SHC4: variants seen among roughly 807,000 people sequenced by gnomAD.
SHC4 encodes SHC adaptor protein 4.
A neutral mutation model predicts 69.4 loss-of-function variants in SHC4; 41 were observed. The ratio of observed to expected loss-of-function variants is 0.59; its 90% CI spans 0.46 to 0.77. SHC4 has a LOEUF of 0.77. Ranked by LOEUF, SHC4 falls within the 30% of genes least tolerant of loss-of-function variation. The pLI is 0.00. For synonymous variants in SHC4, 318 were observed against 299.3 expected (o/e 1.06, Z -0.64); for missense variants, 777 against 783.8 (o/e 0.99, Z 0.10).
chr15:48,931,402 T>C (rs976801086), intron 1 of SHC4, among the ~76,000 whole-genome samples: 2 of 152,214 alleles, frequency 1.3e-5, no homozygotes, highest in Non-Finnish European at 2.9e-5. Context: ...AATATTCTAA[T>C]TGCATCTCAA....
intron 8 of SHC4, 86 bp from the exon 9 acceptor site, chr15:48,851,334 G>T: frequency 2.4e-6 from 3 of 1,244,638 alleles, no homozygotes; most frequent in Non-Finnish European, 3.4e-6. Flanking sequence ...AATCCCAGAA[G>T]AATATAGCAG....
intron 3 of SHC4, among the ~76,000 whole-genome samples, chr15:48,890,475 C>G (rs1244858545): frequency 1.3e-5 from 2 of 152,184 alleles, no homozygotes; most frequent in African/African-American, 4.8e-5. Context: ...GCTCACTGGT[C>G]AGTAACAGCC....
At chr15:48,905,092 C>T (rs990756853) in intron 2 of SHC4, among the ~76,000 whole-genome samples, 4 of 152,136 alleles carry the variant, frequency 2.6e-5, no homozygotes, top group African/African-American at 4.8e-5. Context: ...GTTTTAGATT[C>T]TCTAGGTCTT....
chr15:48,912,298 T>G (rs1900521580), intron 2 of SHC4, among the ~76,000 whole-genome samples: 1 of 152,154 alleles, frequency 6.6e-6, no homozygotes, highest in Non-Finnish European at 1.5e-5. Context: ...CTTTTTTCAG[T>G]GTCTTGGTTG....
chr15:48,931,382 T>C (rs1900962205), intron 1 of SHC4, among the ~76,000 whole-genome samples: 1 of 152,240 alleles, frequency 6.6e-6, no homozygotes, highest in African/African-American at 2.4e-5. Context: ...CAGATGTGTA[T>C]TGGCACATGA....
At chr15:48,929,640 A>T (rs1360011939) in intron 1 of SHC4, among the ~76,000 whole-genome samples, 1 of 152,200 alleles carries the variant, frequency 6.6e-6, no homozygotes, top group Non-Finnish European at 1.5e-5. Context: ...GAACACGGTG[A>T]ACAGTGTCGA....
At chr15:48,855,821 C>T in intron 8 of SHC4, 132 bp downstream of exon 8, 2 of 896,346 alleles carry the variant, frequency 2.2e-6, no homozygotes, top group Non-Finnish European at 1.7e-6. Flanking sequence ...GACAGTTATT[C>T]ATTCTCTGGC....
chr15:48,859,176 A>G (rs1463988241), intron 6 of SHC4, among the ~76,000 whole-genome samples: 1 of 152,236 alleles, frequency 6.6e-6, no homozygotes. Flanking sequence ...GATAACAGTA[A>G]GTTATAACAG....
At chr15:48,950,194 ATTAT>A (rs1901344729) in intron 1 of SHC4, among the ~76,000 whole-genome samples, 1 of 145,458 alleles carries the variant, frequency 6.9e-6, no homozygotes, top group Admixed American at 6.9e-5. Flanking sequence ...ATAATTTTAT[ATTAT>A]ATAATTGTAT....
chr15:48,955,872 G>T (rs1007156728), intron 1 of SHC4, among the ~76,000 whole-genome samples: 1 of 152,186 alleles, frequency 6.6e-6, no homozygotes, highest in Non-Finnish European at 1.5e-5. Flanking sequence ...TCTTGTCTGG[G>T]CTCCACCACT....
At chr15:48,920,455 T>G in intron 2 of SHC4, among the ~76,000 whole-genome samples, 1 of 152,024 alleles carries the variant, frequency 6.6e-6, no homozygotes, top group East Asian at 1.9e-4. Context: ...CATTAGTAAC[T>G]TCCTATATCT....
chr15:48,862,237 G>GCCTT (rs1428565811), intron 6 of SHC4, among the ~76,000 whole-genome samples: 3 of 151,562 alleles, frequency 2.0e-5, no homozygotes, highest in Admixed American at 1.3e-4. Context: ...CAGAAGCATG[G>GCCTT]CCTTCCTATA....
intron 1 of SHC4, among the ~76,000 whole-genome samples, chr15:48,940,891 G>T (rs772481698): frequency 2.0e-5 from 3 of 152,198 alleles, no homozygotes; most frequent in African/African-American, 4.8e-5. Flanking sequence ...TGAAAAAGCA[G>T]CAGTCAACAA....
chr15:48,878,892 G>C (rs995168656), intron 4 of SHC4: 13 of 587,508 alleles, frequency 2.2e-5, no homozygotes, highest in Middle Eastern at 4.5e-4. Flanking sequence ...GACAGTGACT[G>C]CACAGTTGTG....
intron 6 of SHC4, among the ~76,000 whole-genome samples, chr15:48,866,638 C>T (rs1037127595): frequency 4.6e-5 from 7 of 152,206 alleles, no homozygotes; most frequent in Admixed American, 6.5e-5. Flanking sequence ...TTAGCTCTCT[C>T]GTGTCTGTCC....
In SHC4 at chr15:48,852,713, C is replaced by T. The variant is rs1899238226; in HGVS notation, c.1243-1465G>A. 2.0e-5 allele frequency among the ~76,000 whole-genome samples: 3 copies of T among 151,946 alleles called. No individual in the cohort carries two copies. The South Asian group carries it at 6.2e-4, about 32-fold the overall frequency. On this transcript the variant is annotated intron_variant, in intron 8 of 11. Coordinates refer to ENST00000332408, the MANE Select transcript of SHC4 (RefSeq NM_203349.4). ...GGTCAGGAGTTTGAGACCAGCCTCG[C>T]CAACATGGGGAAACCCTGTCTCTAC...
intron 3 of SHC4, among the ~76,000 whole-genome samples, chr15:48,886,685 AATAATAAAGT>A (rs1900041738): frequency 6.6e-6 from 1 of 152,242 alleles, no homozygotes; most frequent in Non-Finnish European, 1.5e-5. Context: ...ATTTAGTATT[AATAATAAAGT>A]ATATGGAAAT....
rs761425747 is a variant in SHC4, at chr15:48,851,220, T to C, written c.1271A>G (p.Tyr424Cys). The C allele has an allele frequency of 8.1e-6, 13 of 1,614,118 alleles. No homozygotes were observed. The highest frequency in any genetic ancestry group is 3.3e-5 in the South Asian group (3 of 91,074). Residue 424 changes from tyrosine to cysteine, a missense_variant, in exon 9 of 12, where the codon TAT (tyrosine) becomes TGT (cysteine). Physicochemically the swap from Tyr to Cys is radical, Grantham distance 194. Coordinates refer to ENST00000332408, the MANE Select transcript of SHC4 (RefSeq NM_203349.4). ...CCTGCTTTGTTCTAAACAGTTCTCA[T>C]ATACACTGCTGCACTTGGAGTTTCC... is the stretch of plus-strand genomic sequence containing the variant. Reference protein sequence around the residue: ...LPGNSKCSSVYENCLEQSRAI... With the variant: ...LPGNSKCSSVCENCLEQSRAI...
intron 3 of SHC4, among the ~76,000 whole-genome samples, chr15:48,885,380 A>G (rs1394703211): frequency 6.6e-6 from 1 of 152,224 alleles, no homozygotes; most frequent in East Asian, 1.9e-4. Flanking sequence ...AGATTAAATA[A>G]TAACTAGAGA....
Sources: allele counts gnomAD v4.1 joint callset (sites outside exome capture counted in the v4.1 genomes callset), GRCh38; gene constraint gnomAD v4.1.1; transcripts MANE v1.5; gene names NCBI Gene and HGNC (gene_info 2026-07-23, HGNC 2026-07-21).